Variants in NEB observed in about 807,000 individuals in gnomAD.
NEB encodes nemaline myopathy type 2.
In NEB, 512 loss-of-function variants were observed where a neutral mutation model predicts 952.2. The ratio of observed to expected loss-of-function variants is 0.54; its 90% confidence interval spans 0.50 to 0.58. The LOEUF is 0.58. Ranked by LOEUF, NEB falls within the 20% of genes least tolerant of loss-of-function variation. The pLI is 0.00. For synonymous variants in NEB, 2,900 were observed against 3,149.8 expected (o/e 0.92, Z 2.66); for missense variants, 8,428 against 9,231.1 (o/e 0.91, Z 3.56).
Position 151,493,394 on chromosome 2 carries a change from C to T in NEB, c.24724G>A (p.Glu8242Lys). The change falls in exon 176 of 182, where the codon GAG becomes AAG. Residue 8242 changes from glutamate (E) to lysine (K), a missense_variant. Glu to Lys is a moderately conservative substitution (Grantham distance 56). Transcript: ENST00000397345. ...RKATPTPVTP[E>K]MERAKRNQEN... ...TGGTTGCGCTTAGCTCTCTCCATCT[C>T]TGGAGTAACAGGTGTCGGAGTTGCT... is the stretch of plus-strand genomic sequence containing the variant. 6.2e-7 allele frequency: 1 copy of T among 1,611,874 alleles called. No homozygotes were observed.
chr2:151,666,140 C>G lies in NEB; in HGVS notation c.4981G>C (p.Asp1661His), dbSNP rs567501862. ...QSYHHYTLLP[D>H]ALNVEHSRNA... ...CTGGAGTGCTCCACATTCAAGGCAT[C>G]GGGCAGGAGAGTGTAGTGGTGGTAT... Residue 1661 changes from aspartate (D) to histidine (H), a missense_variant, in exon 41 of 182, where the codon GAT (aspartate) becomes CAT (histidine). Transcript: ENST00000397345. 2 of 1,613,754 alleles carry G rather than the reference C, an allele frequency of 1.2e-6. No individual in the cohort carries two copies. Among genetic ancestry groups the G allele is most frequent in the African/African-American group, 2.7e-5 (2 of 75,022 alleles).
chr2:151,655,397 A>G (rs770243331), intron 50 of NEB, 23 bp from the exon 51 acceptor site: 18 of 1,377,326 alleles, frequency 1.3e-5, no homozygotes, highest in Non-Finnish European at 1.7e-5. Context: ...AAAAAAAGAC[A>G]TGAAATTTGA....
chr2:151,505,768 G>A (rs978810845), intron 164 of NEB, among the ~76,000 whole-genome samples, 198 bp from the exon 165 acceptor site: 1 of 152,132 alleles, frequency 6.6e-6, no homozygotes, highest in Non-Finnish European at 1.5e-5. Flanking sequence ...GGGACGCTTT[G>A]TCTCTCTCTC....
At chr2:151,713,418 C>T (rs1363081234) in intron 10 of NEB, among the ~76,000 whole-genome samples, 2 of 152,166 alleles carry the variant, frequency 1.3e-5, no homozygotes, top group East Asian at 3.9e-4. Flanking sequence ...CAAATCTCTT[C>T]TGGTGAAATC....
intron 13 of NEB, among the ~76,000 whole-genome samples, chr2:151,701,669 T>G (rs1015844694): frequency 6.6e-6 from 1 of 151,224 alleles, no homozygotes; most frequent in African/African-American, 2.4e-5. Flanking sequence ...GTTTGTAGTA[T>G]TCTTTGATGG....
Position 151,485,606 on chromosome 2 carries a change from AACCC to A in NEB, c.*150_*153del, listed in dbSNP as rs2049694386. On this transcript the variant is annotated 3_prime_UTR_variant, in exon 182 of 182. Coordinates refer to ENST00000397345, the MANE Select transcript of NEB (RefSeq NM_001164508.2). ...GTGTCTGTTCTGCAACTTATTTTAAAACCCAAAGGAGAAAGGATGGTACTACCAT... is the reference window on the plus strand; with the variant it reads ...GTGTCTGTTCTGCAACTTATTTTAAAAAAGGAGAAAGGATGGTACTACCAT... 3 of 634,140 alleles carry A rather than the reference AACCC, an allele frequency of 4.7e-6. No individual in the cohort carries two copies. The highest frequency in any genetic ancestry group is 7.6e-6 in the Non-Finnish European group (3 of 396,678). The allele number at this position is 634,140 out of a possible 1,614,324, so 39.3% of individuals were successfully genotyped here.
At chr2:151,538,113 C>T (rs116515133) in intron 139 of NEB, 27 bp downstream of exon 139, 4 of 1,567,936 alleles carry the variant, frequency 2.6e-6, no homozygotes, top group Non-Finnish European at 3.5e-6. Flanking sequence ...TAGAGCCCAA[C>T]ACAAGTAGAA....
intron 105 of NEB, among the ~76,000 whole-genome samples, chr2:151,578,141 T>C (rs1414566045): frequency 6.6e-6 from 1 of 152,214 alleles, no homozygotes; most frequent in Non-Finnish European, 1.5e-5. Context: ...GTCAGATAAT[T>C]TTTAAGTTAT....
chr2:151,524,716 G>C (rs2084496470), intron 151 of NEB, 100 bp from the exon 152 acceptor site: 1 of 901,356 alleles, frequency 1.1e-6, no homozygotes. Context: ...GCCCAGGCTT[G>C]AGTGCAGTGG....
intron 156 of NEB, among the ~76,000 whole-genome samples, chr2:151,517,857 T>C (rs561121659): frequency 3.0e-4 from 46 of 152,364 alleles, no homozygotes; most frequent in Non-Finnish European, 5.6e-4. Context: ...ATACAGGTGG[T>C]CTGCTGTTGA....
rs1284548576 is a variant in NEB at position 151,627,218 on chromosome 2, A to AAC, written c.10144-15_10144-14dup. ...ATTTGTAAATGTTCTGGAGAGATTA[A>AAC]ACACAAAAGCGAGTATTACTGAAGT... On this transcript the variant is annotated splice_polypyrimidine_tract_variant and intron_variant, in intron 69 of 181. Transcript: ENST00000397345. 1.9e-6 allele frequency: 3 copies of AAC among 1,607,450 alleles called. No individual in the cohort carries two copies. The Admixed American group carries it at 5.0e-5, about 27-fold the overall frequency.
At chr2:151,601,100 T>A (rs1305339781) in intron 88 of NEB, among the ~76,000 whole-genome samples, 1 of 130,708 alleles carries the variant, frequency 7.7e-6, no homozygotes, top group Non-Finnish European at 1.6e-5. Flanking sequence ...ATTTTACTTT[T>A]CTTTTCTTTT....
Position 151,547,453 on chromosome 2 carries a change from G to A in NEB, c.20343C>T (p.Arg6781=), listed in dbSNP as rs1455500980. ...LPYTPQVIHC[R]YVGDITSDIK... is the part of the protein sequence containing the mutation. ...CATCACTGGTGATGTCTCCCACATA[G>A]CGGCAATGGATCACTTGGGGTGTGT... Residue 6781 remains arginine, a synonymous_variant, in exon 133 of 182, where the codon CGC becomes CGT. Transcript: ENST00000397345. 7 of 1,603,974 alleles carry A rather than the reference G, an allele frequency of 4.4e-6. No homozygotes were observed. The East Asian group carries it at 9.0e-5, about 21-fold the overall frequency.
chr2:151,521,731 G>A (rs1329958538), intron 153 of NEB, among the ~76,000 whole-genome samples: 1 of 152,084 alleles, frequency 6.6e-6, no homozygotes, highest in African/African-American at 2.4e-5. Context: ...TTTTTCTTCT[G>A]TTAATTTCAA....
rs117212662 is a variant in NEB, at chr2:151,715,481, G to A, written c.822+1935C>T. On this transcript the variant is annotated intron_variant, in intron 10 of 181. Coordinates refer to ENST00000397345, the MANE Select transcript of NEB (RefSeq NM_001164508.2). ...ATGTGATGGTACTTGAAGGTAAGGG[G>A]ATTTGGGAAGCAATTAAGTTTAGGT... is the stretch of plus-strand genomic sequence containing the variant. Among the ~76,000 whole-genome samples, 82 of 152,324 alleles carry A rather than the reference G, an allele frequency of 5.4e-4. No homozygotes were observed. In the East Asian group the frequency reaches 0.011, roughly 20 times the overall value.
rs1272282385 is a variant in NEB, at chr2:151,563,665, C to A, written c.18634G>T (p.Val6212Leu). The A allele has an allele frequency of 6.2e-7, 1 of 1,613,886 alleles. No homozygotes were observed. Among genetic ancestry groups the A allele is most frequent in the Non-Finnish European group, 8.5e-7 (1 of 1,179,794 alleles). The change falls in exon 119 of 182, where the codon GTG becomes TTG. Residue 6212 changes from valine (V) to leucine (L), a missense_variant. Physicochemically the swap from Val to Leu is conservative, Grantham distance 32. Transcript: ENST00000397345. ...ACCACACCAGGGAATTCACCGATCA[C>A]TTTTCCAGCCAGGTAGTGACCTTTC... The part of the protein sequence containing the change: ...KQKGHYLAGK[V>L]IGEFPGVVHC...
At chr2:151,673,145 A>G (rs2099320664) in intron 36 of NEB, among the ~76,000 whole-genome samples, 1 of 152,204 alleles carries the variant, frequency 6.6e-6, no homozygotes, top group Non-Finnish European at 1.5e-5. Context: ...CTGCAAATAA[A>G]TTAAGGAGCC....
Position 151,655,316 on chromosome 2 carries a change from G to T in NEB, c.6761C>A (p.Thr2254Lys). The change falls in exon 51 of 182, where the codon ACA becomes AAA. Residue 2254 changes from threonine to lysine, a missense_variant. Physicochemically the swap from Thr to Lys is moderately conservative, Grantham distance 78 (BLOSUM62 -1). Coordinates refer to ENST00000397345, the MANE Select transcript of NEB (RefSeq NM_001164508.2). ...DKTKIHVMPD[T>K]PDILQAKQNQ... is the part of the protein sequence containing the mutation. ...CTGCTTGGCTTGTAAAATATCTGGT[G>T]TATCAGGCATCACATGAATCTTGGT... 1.2e-6 allele frequency: 2 copies of T among 1,600,812 alleles called. No homozygotes were observed. Among genetic ancestry groups the T allele is most frequent in the South Asian group, 1.1e-5 (1 of 89,926 alleles).
Position 151,633,926 on chromosome 2 carries a change from G to A in NEB, c.9142C>T (p.His3048Tyr), listed in dbSNP as rs1173828383. ...TCTTCAATGTTCCGGGCTCCAATATGGTGGCCAAGTTGCTTGCAGTAACCA... is the reference window on the plus strand; with the variant it reads ...TCTTCAATGTTCCGGGCTCCAATATAGTGGCCAAGTTGCTTGCAGTAACCA... Reference protein sequence around the residue: ...KDGYCKQLGHHIGARNIEDDP... With the variant: ...KDGYCKQLGHYIGARNIEDDP... Residue 3048 changes from histidine to tyrosine, a missense_variant, in exon 65 of 182, where the codon CAT becomes TAT. Coordinates refer to ENST00000397345, the MANE Select transcript of NEB (RefSeq NM_001164508.2). The A allele has an allele frequency of 6.2e-7, 1 of 1,613,812 alleles. No homozygotes were observed.
Sources: allele counts gnomAD v4.1 joint callset (sites outside exome capture counted in the v4.1 genomes callset), GRCh38; gene constraint gnomAD v4.1.1; transcripts MANE v1.5; gene names NCBI Gene and HGNC (gene_info 2026-07-23, HGNC 2026-07-21).